MAGI1: variants seen among roughly 807,000 people sequenced by gnomAD.
The protein encoded by MAGI1 is membrane associated guanylate kinase, WW and PDZ domain containing 1, also known as membrane-associated guanylate kinase, WW and PDZ domain-containing protein 1.
MAGI1 carries 58 observed loss-of-function variants against 139.9 expected under a neutral mutation model. The observed-to-expected ratio is 0.41, with a 90% confidence interval of 0.34 to 0.52. The LOEUF (loss-of-function observed/expected upper bound fraction) is 0.52. MAGI1 is among the 20% of genes least tolerant of loss of function. MAGI1 has a pLI of 0.12. For synonymous variants in MAGI1, 812 were observed against 737.9 expected (o/e 1.10, Z -1.63); for missense variants, 1,874 against 1,901.6 (o/e 0.99, Z 0.27).
At chr3:65,680,760 AATGATATGAT>A (rs1553690349) in intron 1 of MAGI1, among the ~76,000 whole-genome samples, 50 of 135,148 alleles carry the variant, frequency 3.7e-4, no homozygotes, top group South Asian at 2.2e-3. Context: ...ATAATATAAT[AATGATATGAT>A]ATGATATGAT....
chr3:65,950,937 A>G (rs1186238976), intron 1 of MAGI1, among the ~76,000 whole-genome samples: 7 of 148,408 alleles, frequency 4.7e-5, no homozygotes, highest in Non-Finnish European at 8.9e-5. Flanking sequence ...ACTAGGAACA[A>G]TGATAGTTGG....
At chr3:65,555,790 G>A (rs188196552) in intron 2 of MAGI1, among the ~76,000 whole-genome samples, 29 of 152,284 alleles carry the variant, frequency 1.9e-4, no homozygotes, top group Non-Finnish European at 4.1e-4. Context: ...CCCAGAGGTT[G>A]AGGCTACAGT....
At chr3:65,910,885 ACTCG>A (rs1234750561) in intron 1 of MAGI1, among the ~76,000 whole-genome samples, 1 of 3,010 alleles carries the variant, frequency 3.3e-4, no homozygotes, top group African/African-American at 3.5e-3. Flanking sequence ...TGAGATGGAG[ACTCG>A]CTCTGTAGCC....
At chr3:65,716,261 G>T (rs2107668938) in intron 1 of MAGI1, among the ~76,000 whole-genome samples, 1 of 152,278 alleles carries the variant, frequency 6.6e-6, no homozygotes, top group South Asian at 2.1e-4. Flanking sequence ...TATGCTACAG[G>T]CCAGCTGATT....
At chr3:65,752,283 G>C (rs958027267) in intron 1 of MAGI1, among the ~76,000 whole-genome samples, 2 of 152,152 alleles carry the variant, frequency 1.3e-5, no homozygotes, top group African/African-American at 4.8e-5. Context: ...TCAAAACTCA[G>C]CCTCTGTTGT....
intron 1 of MAGI1, among the ~76,000 whole-genome samples, chr3:65,737,754 G>A (rs910025471): frequency 2.0e-5 from 3 of 152,156 alleles, no homozygotes; most frequent in Non-Finnish European, 2.9e-5. Context: ...AAATGAGGAA[G>A]TGAGATCACT....
chr3:65,749,194 G>A (rs918503621), intron 1 of MAGI1, among the ~76,000 whole-genome samples: 1 of 152,164 alleles, frequency 6.6e-6, no homozygotes, highest in African/African-American at 2.4e-5. Flanking sequence ...CAGAGATCAT[G>A]ATAGTGAAGG....
intron 12 of MAGI1, 143 bp downstream of exon 12, chr3:65,429,377 G>GGTTA: frequency 1.2e-6 from 1 of 813,504 alleles, no homozygotes. Flanking sequence ...ATGCTAAAGA[G>GGTTA]GTTAGTATTT....
chr3:65,821,263 C>T (rs1396279908), intron 1 of MAGI1, among the ~76,000 whole-genome samples: 1 of 152,134 alleles, frequency 6.6e-6, no homozygotes, highest in African/African-American at 2.4e-5. Flanking sequence ...GGTCCTGAGA[C>T]CTTCTCTGGA....
At chr3:65,825,858 C>G (rs929966167) in intron 1 of MAGI1, among the ~76,000 whole-genome samples, 4 of 151,964 alleles carry the variant, frequency 2.6e-5, no homozygotes, top group Non-Finnish European at 5.9e-5. Flanking sequence ...CGTGGTGGTG[C>G]ATGCCTGTAG....
chr3:65,688,186 T>C (rs1210942089), intron 1 of MAGI1: 11 of 766,684 alleles, frequency 1.4e-5, no homozygotes, highest in Non-Finnish European at 4.6e-6. Context: ...AGCGGCAACT[T>C]CAGAGTACAC....
intron 1 of MAGI1, among the ~76,000 whole-genome samples, chr3:65,891,129 C>T (rs2060726170): frequency 6.6e-6 from 1 of 151,246 alleles, no homozygotes; most frequent in Admixed American, 6.6e-5. Flanking sequence ...GGGAGGATAG[C>T]TTGAGCTCAG....
At chr3:65,587,358 G>A (rs2081733289) in intron 2 of MAGI1, among the ~76,000 whole-genome samples, 1 of 151,682 alleles carries the variant, frequency 6.6e-6, no homozygotes, top group Non-Finnish European at 1.5e-5. Flanking sequence ...AATATCACAT[G>A]TAATTTATTG....
intron 2 of MAGI1, among the ~76,000 whole-genome samples, chr3:65,540,419 C>A (rs2079155370): frequency 2.0e-5 from 3 of 151,994 alleles, no homozygotes. Flanking sequence ...TGGTTGAATT[C>A]ACTACTATAT....
At chr3:65,871,359 C>T (rs1559963223) in intron 1 of MAGI1, among the ~76,000 whole-genome samples, 1 of 152,176 alleles carries the variant, frequency 6.6e-6, no homozygotes, top group Non-Finnish European at 1.5e-5. Context: ...AGAATGCATG[C>T]ACTCTTTCTT....
At position 65,353,678 on chromosome 3, in the gene MAGI1, T is replaced by C. The variant is rs1575585625; in HGVS notation, c.*2700A>G. 1 of 152,306 alleles carries C rather than the reference T, an allele frequency of 6.6e-6. No homozygotes were observed. Among genetic ancestry groups the C allele is most frequent in the East Asian group, 1.9e-4 (1 of 5,188 alleles). 9.4% of individuals were successfully genotyped at this position (152,306 alleles called of 1,614,324 possible). A position where few individuals can be genotyped will look rare whatever the true frequency, so the allele number is the denominator to read the frequency against. Reference sequence around the variant, plus strand: ...CAACTGTGTAACGGAGGGAGACAAATTCCTAAATCGTTTGATTTCATCATA... The same window carrying C: ...CAACTGTGTAACGGAGGGAGACAAACTCCTAAATCGTTTGATTTCATCATA... On this transcript the variant is annotated 3_prime_UTR_variant, in exon 23 of 23. Coordinates refer to ENST00000402939, the MANE Select transcript of MAGI1 (RefSeq NM_001033057.2).
At chr3:65,923,214 T>C (rs189132155) in intron 1 of MAGI1, among the ~76,000 whole-genome samples, 3 of 144,496 alleles carry the variant, frequency 2.1e-5, no homozygotes, top group Non-Finnish European at 4.5e-5. Context: ...TAAGCTTGCA[T>C]TCAACAGACA....
chr3:65,812,466 T>TCACACACACACACACACACA (rs1432887484), intron 1 of MAGI1, among the ~76,000 whole-genome samples: 10 of 87,752 alleles, frequency 1.1e-4, no homozygotes, highest in African/African-American at 3.6e-4. Flanking sequence ...TCTCTCTCTC[T>TCACACACACACACACACACA]CTCACACACA....
chr3:65,883,254 C>G (rs898820713), intron 1 of MAGI1, among the ~76,000 whole-genome samples: 2 of 152,116 alleles, frequency 1.3e-5, no homozygotes, highest in African/African-American at 2.4e-5. Context: ...TTTTACTACA[C>G]AACAGTTATT....
Sources: gnomAD v4.1 joint callset for allele counts (sites outside exome capture counted in the v4.1 genomes callset) on GRCh38, gnomAD v4.1.1 for gene constraint, MANE v1.5 for transcripts, NCBI Gene and HGNC (gene_info 2026-07-23, HGNC 2026-07-21) for gene names.